Variants in MYT1L observed in about 807,000 individuals in gnomAD.
MYT1L encodes the protein myelin transcription factor 1-like protein.
A neutral mutation model predicts 126.7 loss-of-function variants in MYT1L; 12 were observed. That is an observed-to-expected ratio of 0.09 (90% confidence interval 0.06 to 0.15). The LOEUF is 0.15. Among genes scored for constraint, MYT1L ranks in the 10% least tolerant of loss-of-function variants. MYT1L has a pLI of 1.00. For missense variants in MYT1L, 979 were observed against 1,585.2 expected, an observed-to-expected ratio of 0.62 and a Z score of 6.49; for synonymous variants, 541 against 604.2, an observed-to-expected ratio of 0.90 and a Z score of 1.53.
chr2:1,807,698 C>T (rs761685237), intron 22 of MYT1L, among the ~76,000 whole-genome samples: 33 of 152,142 alleles, frequency 2.2e-4, no homozygotes, highest in Non-Finnish European at 4.4e-4. Flanking sequence ...CTCATTATTC[C>T]CAGGAGCCAT....
chr2:2,186,845 A>G (rs968358940), intron 2 of MYT1L, among the ~76,000 whole-genome samples: 8 of 152,230 alleles, frequency 5.3e-5, no homozygotes, highest in Non-Finnish European at 1.2e-4. Flanking sequence ...CAAGGTTAAG[A>G]TCAATTTATA....
At chr2:2,220,656 C>G (rs1345425799) in intron 2 of MYT1L, among the ~76,000 whole-genome samples, 2 of 152,110 alleles carry the variant, frequency 1.3e-5, no homozygotes, top group Non-Finnish European at 2.9e-5. Flanking sequence ...AGGGCCATTT[C>G]AAGGTATGGC....
At chr2:1,797,051 C>T (rs931837208) in intron 23 of MYT1L, among the ~76,000 whole-genome samples, 1 of 152,006 alleles carries the variant, frequency 6.6e-6, no homozygotes, top group South Asian at 2.1e-4. Context: ...GGATGAGATG[C>T]GTCTGGGGAA....
rs112689487 is a variant in MYT1L at position 2,201,422 on chromosome 2, G to A, written c.-420-28434C>T. Among the ~76,000 whole-genome samples the A allele has an allele frequency of 4.5e-3, 692 of 152,186 alleles. 4 individuals are homozygous for A. The highest frequency in any genetic ancestry group is 0.015 in the African/African-American group (641 of 41,512). On this transcript the variant is annotated intron_variant, in intron 2 of 24. Coordinates refer to ENST00000647738, the MANE Select transcript of MYT1L (RefSeq NM_001303052.2). ...TCTTTAAAAATCATAAGTGTTGGCC[G>A]GGTGCGGTGGCTCATGCTTGTAATC...
intron 4 of MYT1L, among the ~76,000 whole-genome samples, chr2:2,004,339 GTTCTTTCCTGCGTGCC>G (rs1408552316): frequency 1.6e-5 from 2 of 126,150 alleles, no homozygotes; most frequent in Non-Finnish European, 3.4e-5. Context: ...TCCTGCATAC[GTTCTTTCCTGCGTGCC>G]TTCTTTCCTG....
At chr2:2,281,281 C>A (rs1573120214) in intron 2 of MYT1L, among the ~76,000 whole-genome samples, 1 of 152,180 alleles carries the variant, frequency 6.6e-6, no homozygotes, top group East Asian at 1.9e-4. Flanking sequence ...CCAAGCCATG[C>A]AGAACTGTGA....
chr2:1,981,591 G>C (rs898167012), intron 5 of MYT1L, among the ~76,000 whole-genome samples: 2 of 152,224 alleles, frequency 1.3e-5, no homozygotes, highest in Non-Finnish European at 2.9e-5. Context: ...CGGTGCAGAC[G>C]ACGGGCCTGA....
chr2:2,066,799 C>G (rs1243365379), intron 3 of MYT1L, among the ~76,000 whole-genome samples: 2 of 152,208 alleles, frequency 1.3e-5, no homozygotes, highest in African/African-American at 4.8e-5. Context: ...GCTCAGGAAG[C>G]CTTGGCAGTC....
Position 1,986,663 on chromosome 2 carries a change from A to G in MYT1L, c.1-6886T>C, listed in dbSNP as rs1160058756. Among the ~76,000 whole-genome samples, 40 of 152,200 alleles carry G rather than the reference A, an allele frequency of 2.6e-4. No homozygotes were observed. The East Asian group carries it at 4.4e-3, about 17-fold the overall frequency. Reference sequence around the variant, plus strand: ...GGTTGCCCAATTTACGTCATGTACGATAACAGCAGAGAAGCCCCAAAATAC... The same window carrying G: ...GGTTGCCCAATTTACGTCATGTACGGTAACAGCAGAGAAGCCCCAAAATAC... On this transcript the variant is annotated intron_variant, in intron 5 of 24. Coordinates refer to ENST00000647738, the MANE Select transcript of MYT1L (RefSeq NM_001303052.2).
chr2:2,291,706 G>C (rs991602767), intron 1 of MYT1L, among the ~76,000 whole-genome samples: 4 of 152,206 alleles, frequency 2.6e-5, no homozygotes, highest in Non-Finnish European at 5.9e-5. Flanking sequence ...GTTGCAGGTG[G>C]ACAGCAGCTT....
intron 2 of MYT1L, among the ~76,000 whole-genome samples, chr2:2,240,782 C>A (rs962708439): frequency 6.6e-6 from 1 of 152,202 alleles, no homozygotes; most frequent in Admixed American, 6.5e-5. Context: ...GCCAGCCCCG[C>A]GTGCCAGCGG....
chr2:2,117,858 C>T (rs1252976860), intron 3 of MYT1L, among the ~76,000 whole-genome samples: 5 of 151,866 alleles, frequency 3.3e-5, no homozygotes, highest in African/African-American at 7.3e-5. Context: ...GAGCCAGAGT[C>T]GGTAATAGGC....
intron 2 of MYT1L, among the ~76,000 whole-genome samples, chr2:2,212,246 ATCTTAGAG>A (rs201734863): frequency 0.14 from 21,964 of 152,110 alleles, 1,713 homozygotes; most frequent in African/African-American, 0.19. Context: ...GAACACCAAT[ATCTTAGAG>A]TCCCACATCG....
At chr2:1,936,780 TG>T (rs1300646502) in intron 9 of MYT1L, among the ~76,000 whole-genome samples, 1 of 152,156 alleles carries the variant, frequency 6.6e-6, no homozygotes, top group Non-Finnish European at 1.5e-5. Flanking sequence ...GCAGGGAAGC[TG>T]GGGAGTTCAG....
chr2:2,260,908 T>C (rs1435825710), intron 2 of MYT1L, among the ~76,000 whole-genome samples: 1 of 152,206 alleles, frequency 6.6e-6, no homozygotes, highest in Admixed American at 6.5e-5. Flanking sequence ...TCCGGGACAA[T>C]GCTCCTAGCA....
At chr2:2,241,812 C>T (rs532818132) in intron 2 of MYT1L, among the ~76,000 whole-genome samples, 9 of 152,252 alleles carry the variant, frequency 5.9e-5, no homozygotes, top group East Asian at 5.8e-4. Context: ...GAGGGCATTA[C>T]GCTAAGTGAA....
At chr2:1,966,553 A>G (rs1036492546) in intron 8 of MYT1L, among the ~76,000 whole-genome samples, 3 of 152,150 alleles carry the variant, frequency 2.0e-5, no homozygotes, top group African/African-American at 4.8e-5. Flanking sequence ...CCTCCTGGTC[A>G]TTCATCCCAG....
Position 2,059,877 on chromosome 2 carries a change from T to C in MYT1L, c.-303-5754A>G, listed in dbSNP as rs1386235169. ...CAACACATCTTGTGTTATGGTTTTC[T>C]CTTGACTCTGTCAGAGAATTTAGCA... On this transcript the variant is annotated intron_variant, in intron 3 of 24. Coordinates refer to ENST00000647738, the MANE Select transcript of MYT1L (RefSeq NM_001303052.2). The surrounding 1 kb of genome is among the most constrained non-coding windows in gnomAD (Gnocchi z 4.7). Among the ~76,000 whole-genome samples the C allele has an allele frequency of 6.6e-6, 1 of 152,192 alleles. No individual in the cohort carries two copies. Among genetic ancestry groups the C allele is most frequent in the East Asian group, 1.9e-4 (1 of 5,204 alleles).
At chr2:2,312,939 T>C (rs1382600890) in intron 1 of MYT1L, among the ~76,000 whole-genome samples, 1 of 152,072 alleles carries the variant, frequency 6.6e-6, no homozygotes, top group Non-Finnish European at 1.5e-5. Context: ...GGCTACTTGA[T>C]GAATTAGCTG....
Sources: gnomAD v4.1 joint callset for allele counts (sites outside exome capture counted in the v4.1 genomes callset) on GRCh38, gnomAD v4.1.1 for gene constraint, Gnocchi (gnomAD v3.1) non-coding constraint, MANE v1.5 for transcripts, NCBI Gene and HGNC (gene_info 2026-07-23, HGNC 2026-07-21) for gene names.